Variants in LINGO2 observed in about 807,000 individuals in gnomAD.
LINGO2 encodes the protein leucine rich repeat and Ig domain containing 2, also known as leucine-rich repeat and immunoglobulin-like domain-containing nogo receptor-interacting protein 2.
In LINGO2, 14 loss-of-function variants were observed where a neutral mutation model predicts 30.6. That is an observed-to-expected ratio of 0.46 (90% CI 0.30 to 0.72). The LOEUF is 0.72. Among genes scored for constraint, LINGO2 ranks in the 30% least tolerant of loss-of-function variants. LINGO2 has a pLI of 0.07. For synonymous variants in LINGO2, 317 were observed against 288.5 expected (o/e 1.10, Z -1.00); for missense variants, 729 against 751.7 (o/e 0.97, Z 0.35).
At chr9:28,681,227 T>C in the LINGO2 span, among the ~76,000 whole-genome samples, 1 of 151,942 alleles carries the variant, frequency 6.6e-6, no homozygotes, top group East Asian at 1.9e-4. Context: ...TTAGTTCCAG[T>C]TAGTAGCCTG....
rs114620721 is a variant in LINGO2, at chr9:28,641,481, T to G, written c.-365+28719A>C. Among the ~76,000 whole-genome samples the G allele has an allele frequency of 2.7e-3, 416 of 152,248 alleles. 3 individuals are homozygous for G. The highest frequency in any genetic ancestry group is 9.6e-3 in the African/African-American group (397 of 41,548). On this transcript the variant is annotated intron_variant, in intron 1 of 5. Transcript: ENST00000379992. The stretch of plus-strand genomic sequence containing the variant: ...TCACTAGTGAAAGGAAACATTCACA[T>G]AGCCCAATATACCATTGCTGTAGCT...
chr9:28,065,065 C>T (rs1825270936), intron 4 of LINGO2, among the ~76,000 whole-genome samples: 1 of 151,790 alleles, frequency 6.6e-6, no homozygotes, highest in South Asian at 2.1e-4. Context: ...TTTCTTCTAT[C>T]TGATAGCTCC....
intron 1 of LINGO2, among the ~76,000 whole-genome samples, chr9:28,609,001 T>C (rs1418169880): frequency 6.6e-6 from 1 of 151,964 alleles, no homozygotes; most frequent in Non-Finnish European, 1.5e-5. Flanking sequence ...GTTCTTGAAA[T>C]AGTTACATAG....
chr9:28,907,756 G>C, the LINGO2 span, among the ~76,000 whole-genome samples: 1 of 151,862 alleles, frequency 6.6e-6, no homozygotes, highest in East Asian at 1.9e-4. Context: ...AGAGATGCAT[G>C]AGGATTTTCC....
chr9:27,986,507 G>A (rs1021475171), intron 5 of LINGO2, among the ~76,000 whole-genome samples: 1 of 151,768 alleles, frequency 6.6e-6, no homozygotes, highest in Non-Finnish European at 1.5e-5. Flanking sequence ...GCCTTTAGGA[G>A]TGGGACTTCC....
chr9:28,090,142 A>G (rs1395901349), intron 4 of LINGO2, among the ~76,000 whole-genome samples: 4 of 152,048 alleles, frequency 2.6e-5, no homozygotes, highest in African/African-American at 9.7e-5. Context: ...GTACAAGAAC[A>G]AGCTGGTACC....
chr9:28,077,565 T>TGGAAAATCTAGCACTTGA (rs1563961000), intron 4 of LINGO2, among the ~76,000 whole-genome samples: 1 of 149,898 alleles, frequency 6.7e-6, no homozygotes, highest in African/African-American at 2.5e-5. Context: ...GCATCAAAAC[T>TGGAAAATCTAGCACTTGA]ATTATCTTAT....
the LINGO2 span, among the ~76,000 whole-genome samples, chr9:29,003,454 AACAG>A: frequency 3.9e-5 from 6 of 151,962 alleles, no homozygotes; most frequent in Admixed American, 3.9e-4. Context: ...GAGACAAGGA[AACAG>A]ACAGACCACT....
intron 1 of LINGO2, among the ~76,000 whole-genome samples, chr9:28,597,518 A>G (rs910601244): frequency 1.3e-5 from 2 of 152,204 alleles, no homozygotes; most frequent in Non-Finnish European, 2.9e-5. Context: ...CTAGGCATCA[A>G]AAGCAACACT....
chr9:28,087,003 G>A (rs1396550004), intron 4 of LINGO2, among the ~76,000 whole-genome samples: 1 of 152,068 alleles, frequency 6.6e-6, no homozygotes, highest in Non-Finnish European at 1.5e-5. Flanking sequence ...GTGACAATGT[G>A]CCAGTTTCAA....
intron 3 of LINGO2, among the ~76,000 whole-genome samples, chr9:28,305,665 C>G (rs551001987): frequency 9.2e-5 from 14 of 152,022 alleles, no homozygotes; most frequent in African/African-American, 3.4e-4. Context: ...AACGTACATA[C>G]AAGATCTGTA....
chr9:28,485,750 G>A (rs1826143724), intron 1 of LINGO2, among the ~76,000 whole-genome samples: 3 of 152,052 alleles, frequency 2.0e-5, no homozygotes, highest in African/African-American at 7.2e-5. Context: ...ACCCTGCTTA[G>A]TTAGCAAGAT....
At chr9:28,749,364 T>C in the LINGO2 span, among the ~76,000 whole-genome samples, 4 of 152,040 alleles carry the variant, frequency 2.6e-5, no homozygotes, top group Non-Finnish European at 5.9e-5. Flanking sequence ...TTTAAGAATA[T>C]TTACTTTGAC....
chr9:28,039,986 T>C (rs1253711201), intron 4 of LINGO2, among the ~76,000 whole-genome samples: 1 of 152,154 alleles, frequency 6.6e-6, no homozygotes, highest in Non-Finnish European at 1.5e-5. Context: ...AACAAACTAT[T>C]AAAACATGTG....
At chr9:28,909,599 A>C in the LINGO2 span, among the ~76,000 whole-genome samples, 2 of 151,990 alleles carry the variant, frequency 1.3e-5, no homozygotes, top group Non-Finnish European at 2.9e-5. Flanking sequence ...AACGTATGTC[A>C]ATGTCTTGGG....
the LINGO2 span, among the ~76,000 whole-genome samples, chr9:29,138,099 C>G: frequency 6.6e-6 from 1 of 151,824 alleles, no homozygotes; most frequent in Non-Finnish European, 1.5e-5. Flanking sequence ...TTATACTATG[C>G]TGCTTTGCAA....
the LINGO2 span, among the ~76,000 whole-genome samples, chr9:29,126,315 G>A: frequency 1.3e-5 from 2 of 152,058 alleles, no homozygotes; most frequent in Admixed American, 6.6e-5. Context: ...CCCTGAAAAT[G>A]TCACTTAGCC....
At chr9:28,396,677 C>G (rs909801799) in intron 2 of LINGO2, among the ~76,000 whole-genome samples, 6 of 116,820 alleles carry the variant, frequency 5.1e-5, no homozygotes, top group African/African-American at 6.7e-5. Flanking sequence ...GCACTCCAGC[C>G]TGGGTGACAG....
intron 4 of LINGO2, among the ~76,000 whole-genome samples, chr9:28,199,344 C>CTTTT (rs757957924): frequency 1.7e-5 from 2 of 117,660 alleles, no homozygotes; most frequent in African/African-American, 6.1e-5. Flanking sequence ...TCTTCTTCTT[C>CTTTT]TTTTTTTTTT....
Sources: allele counts gnomAD v4.1 joint callset (sites outside exome capture counted in the v4.1 genomes callset), GRCh38; gene constraint gnomAD v4.1.1; transcripts MANE v1.5; gene names NCBI Gene and HGNC (gene_info 2026-07-23, HGNC 2026-07-21).